The following DLEU7 variants were observed in gnomAD, a reference collection of about 807,000 sequenced individuals.
DLEU7 encodes deleted in lymphocytic leukemia 7.
DLEU7 carries 17 observed loss-of-function variants against 16.0 expected under a neutral mutation model. The ratio of observed to expected loss-of-function variants is 1.06; its 90% confidence interval spans 0.73 to 1.59. The LOEUF is 1.59. DLEU7 is among the 40% of genes most tolerant of loss of function. The pLI is 0.00. For synonymous variants in DLEU7, 113 were observed against 139.8 expected (o/e 0.81, Z 1.35); for missense variants, 308 against 314.9 (o/e 0.98, Z 0.17).
In DLEU7 at chr13:50,713,153, A is replaced by G. The variant is rs1873344240; in HGVS notation, c.*64T>C. ...CATCTCATCCCATCTGGCATTCAGA[A>G]TTTGGCACTGGTTATTGAAATATGA... On this transcript the variant is annotated 3_prime_UTR_variant, in exon 2 of 2. Transcript: ENST00000400393. The G allele has an allele frequency of 1.9e-6, 3 of 1,583,308 alleles. No individual in the cohort carries two copies. The Admixed American group carries it at 5.3e-5, about 28-fold the overall frequency.
chr13:50,789,329 T>A (rs1422367010), intron 1 of DLEU7, among the ~76,000 whole-genome samples: 2 of 147,884 alleles, frequency 1.4e-5, no homozygotes, highest in South Asian at 2.2e-4. Flanking sequence ...TCTCAGTGCC[T>A]CAATGCCATT....
At chr13:50,768,374 G>A (rs1012145040) in intron 1 of DLEU7, among the ~76,000 whole-genome samples, 1 of 149,648 alleles carries the variant, frequency 6.7e-6, no homozygotes, top group Non-Finnish European at 1.5e-5. Flanking sequence ...CCATGTTGGT[G>A]TGCTGCACCC....
chr13:50,842,210 G>C (rs769204795), intron 1 of DLEU7, among the ~76,000 whole-genome samples: 1 of 152,180 alleles, frequency 6.6e-6, no homozygotes, highest in Non-Finnish European at 1.5e-5. Flanking sequence ...CTTTTACAGT[G>C]TATAGTGCAA....
intron 1 of DLEU7, among the ~76,000 whole-genome samples, chr13:50,760,706 G>T (rs1874902763): frequency 6.6e-6 from 1 of 152,138 alleles, no homozygotes; most frequent in African/African-American, 2.4e-5. Flanking sequence ...AGTATTTACT[G>T]AAAATTTAAT....
At chr13:50,840,610 T>C (rs1877621973) in intron 1 of DLEU7, among the ~76,000 whole-genome samples, 1 of 152,008 alleles carries the variant, frequency 6.6e-6, no homozygotes, top group Non-Finnish European at 1.5e-5. Context: ...AGTTTGCTCA[T>C]GACAAGGAAG....
chr13:50,806,034 G>T (rs1876381292), intron 1 of DLEU7, among the ~76,000 whole-genome samples: 1 of 152,148 alleles, frequency 6.6e-6, no homozygotes, highest in Admixed American at 6.5e-5. Flanking sequence ...ATTTCAGTAT[G>T]TATCACTTAG....
intron 1 of DLEU7, among the ~76,000 whole-genome samples, chr13:50,715,726 C>T (rs902992266): frequency 6.6e-6 from 1 of 152,188 alleles, no homozygotes; most frequent in African/African-American, 2.4e-5. Context: ...GGAGGTGTTT[C>T]GGAAAAACTC....
chr13:50,810,025 CTT>C (rs5803534), intron 1 of DLEU7, among the ~76,000 whole-genome samples: 7 of 146,442 alleles, frequency 4.8e-5, no homozygotes, highest in East Asian at 2.0e-4. Context: ...TGGGGTAGCA[CTT>C]TTTTTTTTTT....
chr13:50,764,412 C>T (rs7331957), intron 1 of DLEU7, among the ~76,000 whole-genome samples: 14,984 of 152,210 alleles, frequency 0.098, 1,468 homozygotes, highest in East Asian at 0.27. Context: ...GTTCTTCCTC[C>T]CATTTCCAGG....
chr13:50,800,628 C>T (rs1441757755), intron 1 of DLEU7, among the ~76,000 whole-genome samples: 1 of 152,104 alleles, frequency 6.6e-6, no homozygotes, highest in East Asian at 1.9e-4. Flanking sequence ...TCTGCCCATC[C>T]TCCCCTCCAG....
In DLEU7 at chr13:50,739,055, T is replaced by C. The variant is rs529658979; in HGVS notation, c.460-25815A>G. Among the ~76,000 whole-genome samples, 129 of 151,922 alleles carry C rather than the reference T, an allele frequency of 8.5e-4. 4 individuals carry two copies. In the South Asian group the frequency reaches 0.021, roughly 25 times the overall value. ...ACTGGCCTGATTTCTGTTCTTCTTATCATGTTCTTTCCTGCCTTGCGGCTT... is the reference window on the plus strand; with the variant it reads ...ACTGGCCTGATTTCTGTTCTTCTTACCATGTTCTTTCCTGCCTTGCGGCTT... On this transcript the variant is annotated intron_variant, in intron 1 of 1. Transcript: ENST00000400393.
At chr13:50,766,362 C>G (rs1329160129) in intron 1 of DLEU7, among the ~76,000 whole-genome samples, 2 of 152,212 alleles carry the variant, frequency 1.3e-5, no homozygotes, top group Non-Finnish European at 2.9e-5. Context: ...GTGCTGGGCT[C>G]TTAGCAGACT....
chr13:50,840,871 A>G (rs1877634912), intron 1 of DLEU7, among the ~76,000 whole-genome samples: 1 of 152,190 alleles, frequency 6.6e-6, no homozygotes, highest in Non-Finnish European at 1.5e-5. Context: ...ATTTCTGTCC[A>G]CTGGCCTCTA....
intron 1 of DLEU7, among the ~76,000 whole-genome samples, chr13:50,827,251 A>T (rs1877116635): frequency 6.6e-6 from 1 of 152,212 alleles, no homozygotes; most frequent in South Asian, 2.1e-4. Flanking sequence ...TAAGCACTGT[A>T]TTATTCAAGA....
chr13:50,743,682 T>A (rs559564632), intron 1 of DLEU7, among the ~76,000 whole-genome samples: 24 of 152,304 alleles, frequency 1.6e-4, no homozygotes, highest in Non-Finnish European at 2.8e-4. Context: ...TAAAATATGA[T>A]TAAGGATCTA....
intron 1 of DLEU7, among the ~76,000 whole-genome samples, chr13:50,789,721 G>A (rs542819057): frequency 3.3e-5 from 5 of 152,070 alleles, no homozygotes; most frequent in South Asian, 4.2e-4. Context: ...GCCCTATAAC[G>A]GACCCTGGAA....
At position 50,755,722 on chromosome 13, in the gene DLEU7, C is replaced by G. The variant is rs540271450; in HGVS notation, c.460-42482G>C. On this transcript the variant is annotated intron_variant, in intron 1 of 1. Coordinates refer to the DLEU7 transcript ENST00000400393. ...CAGGGATTTCTTCTTGGTTTGTATCCATTGCTGGTGAGCTAATGTGATTTT... is the reference window on the plus strand; with the variant it reads ...CAGGGATTTCTTCTTGGTTTGTATCGATTGCTGGTGAGCTAATGTGATTTT... 4.2e-4 allele frequency among the ~76,000 whole-genome samples: 64 copies of G among 151,472 alleles called. 3 individuals are homozygous for G. In the South Asian group the frequency reaches 0.01, roughly 24 times the overall value.
chr13:50,724,069 A>T (rs1483212142), intron 1 of DLEU7, among the ~76,000 whole-genome samples: 1 of 152,040 alleles, frequency 6.6e-6, no homozygotes, highest in Non-Finnish European at 1.5e-5. Flanking sequence ...TTTTTAAAAG[A>T]AAAAGATGTT....
At chr13:50,787,589 G>C (rs1015746270) in intron 1 of DLEU7, among the ~76,000 whole-genome samples, 1 of 152,046 alleles carries the variant, frequency 6.6e-6, no homozygotes, top group African/African-American at 2.4e-5. Context: ...TCTTGCCCCA[G>C]GTGTGGAAAC....
Sources: allele counts gnomAD v4.1 joint callset (sites outside exome capture counted in the v4.1 genomes callset), GRCh38; gene constraint gnomAD v4.1.1; transcripts MANE v1.5; gene names NCBI Gene and HGNC (gene_info 2026-07-23, HGNC 2026-07-21).